The following NAT1 variants were observed in gnomAD, a reference collection of about 807,000 sequenced individuals.
The protein encoded by NAT1 is arylamine N-acetyltransferase 1.
For synonymous variants in NAT1, 144 were observed against 122.6 expected (o/e 1.17, Z -1.16); for missense variants, 400 against 339.2 (o/e 1.18, Z -1.41).
chr8:18,196,988 A>C (rs1432553647), intron 2 of NAT1, among the ~76,000 whole-genome samples: 9 of 152,194 alleles, frequency 5.9e-5, no homozygotes, highest in Non-Finnish European at 1.3e-4. Flanking sequence ...ACAGCTCTGC[A>C]GGCGTTAACG....
chr8:18,210,924 G>A (rs1467169721), intron 1 of NAT1, among the ~76,000 whole-genome samples: 2 of 152,104 alleles, frequency 1.3e-5, no homozygotes, highest in African/African-American at 2.4e-5. Context: ...ACAGGCACCC[G>A]CCACCATGCC....
intron 2 of NAT1, among the ~76,000 whole-genome samples, chr8:18,172,971 G>A (rs17126282): frequency 0.26 from 40,035 of 151,894 alleles, 6,005 homozygotes; most frequent in African/African-American, 0.4. Flanking sequence ...GAGGCTAGAC[G>A]CACACATTTT....
chr8:18,214,007 G>T (rs1804378456), intron 1 of NAT1, among the ~76,000 whole-genome samples: 4 of 151,974 alleles, frequency 2.6e-5, no homozygotes, highest in South Asian at 4.2e-4. Flanking sequence ...TAGAGACAGG[G>T]TTTCACCGTG....
At chr8:18,220,227 A>G (rs1202550404) in intron 2 of NAT1, among the ~76,000 whole-genome samples, 1 of 152,216 alleles carries the variant, frequency 6.6e-6, no homozygotes, top group East Asian at 1.9e-4. Flanking sequence ...AAGAAATGCA[A>G]TCTAATAGAT....
At chr8:18,205,887 G>T (rs1008902450), upstream of NAT1, among the ~76,000 whole-genome samples, 2 of 152,174 alleles carry the variant, frequency 1.3e-5, no homozygotes, top group African/African-American at 4.8e-5. Flanking sequence ...AGACTGAGGG[G>T]TGCTCAGGTT....
chr8:18,206,045 C>T (rs1803703567), upstream of NAT1, among the ~76,000 whole-genome samples: 1 of 152,208 alleles, frequency 6.6e-6, no homozygotes, highest in East Asian at 1.9e-4. Flanking sequence ...CAGGACCAAA[C>T]CCTCTGGGCT....
At position 18,210,836 on chromosome 8, in the gene NAT1, G is replaced by A. The variant is rs28359490; in HGVS notation, c.-86+656G>A. On this transcript the variant is annotated intron_variant, in intron 1 of 2. Transcript: ENST00000307719. The stretch of plus-strand genomic sequence containing the variant: ...ATTGCCCAGGCTGGAGTGCAGTGGC[G>A]TGATCTCAGCTTAGTGCATCCTCCT... Among the ~76,000 whole-genome samples the A allele has an allele frequency of 9.9e-5, 15 of 152,256 alleles. No individual in the cohort carries two copies. The South Asian group carries it at 1.5e-3, about 15-fold the overall frequency.
chr8:18,204,754 A>T (rs1162106528), intron 2 of NAT1, among the ~76,000 whole-genome samples: 2 of 152,242 alleles, frequency 1.3e-5, no homozygotes, highest in Non-Finnish European at 2.9e-5. Context: ...TAGCCATAAG[A>T]GAATCAATTC....
chr8:18,212,981 T>C (rs1005741306), intron 1 of NAT1, among the ~76,000 whole-genome samples: 2 of 151,576 alleles, frequency 1.3e-5, no homozygotes, highest in Non-Finnish European at 2.9e-5. Flanking sequence ...CTCAGCTCCC[T>C]GCAACCTCCA....
At chr8:18,197,090 T>A (rs1389960532) in intron 2 of NAT1, among the ~76,000 whole-genome samples, 1 of 152,088 alleles carries the variant, frequency 6.6e-6, no homozygotes, top group Non-Finnish European at 1.5e-5. Context: ...TTTAAAGCCA[T>A]CAGCTCTCAT....
upstream of NAT1, among the ~76,000 whole-genome samples, chr8:18,207,101 T>A (rs1460271174): frequency 6.6e-6 from 1 of 152,236 alleles, no homozygotes; most frequent in East Asian, 1.9e-4. Context: ...GCTAGCCAGT[T>A]CTCCCAGCAC....
intron 1 of NAT1, among the ~76,000 whole-genome samples, chr8:18,218,427 G>C (rs1804920856): frequency 6.6e-6 from 1 of 152,098 alleles, no homozygotes; most frequent in African/African-American, 2.4e-5. Context: ...CGGCGGGGGA[G>C]CTGAACCCGA....
upstream of NAT1, among the ~76,000 whole-genome samples, chr8:18,209,024 T>A (rs375305130): frequency 8.3e-4 from 126 of 152,346 alleles, no homozygotes; most frequent in African/African-American, 2.6e-3. Flanking sequence ...GGGTGCATCA[T>A]TGGCAAGCTA....
At chr8:18,177,676 A>G (rs966728702) in intron 2 of NAT1, among the ~76,000 whole-genome samples, 5 of 152,136 alleles carry the variant, frequency 3.3e-5, no homozygotes, top group Non-Finnish European at 7.4e-5. Flanking sequence ...AAAGCCAAAC[A>G]ATAATGTTTA....
Position 18,183,700 on chromosome 8 carries a change from A to G in NAT1, n.92+12961A>G, listed in dbSNP as rs571890238. On this transcript the variant is annotated intron_variant and non_coding_transcript_variant, in intron 2 of 4. Transcript: ENST00000517441. ...TCCCACAATAAACCTATGAAATCAA[A>G]CTATTTATTTATATGTTTCCAGAAT... Among the ~76,000 whole-genome samples the G allele has an allele frequency of 2.0e-5, 3 of 152,296 alleles. No homozygotes were observed. The South Asian group carries it at 6.2e-4, about 32-fold the overall frequency.
chr8:18,181,568 G>A (rs1325551451), intron 2 of NAT1, among the ~76,000 whole-genome samples: 1 of 151,926 alleles, frequency 6.6e-6, no homozygotes, highest in Non-Finnish European at 1.5e-5. Flanking sequence ...TCTTTCTCTT[G>A]TCTGATTACT....
chr8:18,184,235 T>C (rs188884051), intron 2 of NAT1, among the ~76,000 whole-genome samples: 10 of 152,276 alleles, frequency 6.6e-5, no homozygotes, highest in Non-Finnish European at 1.5e-4. Context: ...TAGAACCACA[T>C]AGATGCCTCG....
chr8:18,215,839 G>T (rs1399167385), intron 1 of NAT1, among the ~76,000 whole-genome samples: 2 of 152,134 alleles, frequency 1.3e-5, no homozygotes, highest in Non-Finnish European at 2.9e-5. Flanking sequence ...GTGTAGACTT[G>T]TCAATTGAGG....
intron 2 of NAT1, among the ~76,000 whole-genome samples, chr8:18,221,100 C>T (rs912309757): frequency 2.2e-4 from 34 of 152,304 alleles, no homozygotes; most frequent in African/African-American, 7.9e-4. Flanking sequence ...GCTGCAGTTG[C>T]CTGTCAGATC....
Sources: allele counts gnomAD v4.1 joint callset (sites outside exome capture counted in the v4.1 genomes callset), GRCh38; gene constraint gnomAD v4.1.1; transcripts MANE v1.5; gene names NCBI Gene and HGNC (gene_info 2026-07-23, HGNC 2026-07-21).